The following NPAS1 variants were observed in gnomAD, a reference collection of about 807,000 sequenced individuals.
NPAS1 encodes the protein neuronal PAS domain protein 1.
A neutral mutation model predicts 49.2 loss-of-function variants in NPAS1; 29 were observed. The ratio of observed to expected loss-of-function variants is 0.59; its 90% CI spans 0.44 to 0.80. The LOEUF is 0.80. Among genes scored for constraint, NPAS1 ranks in the 30% least tolerant of loss-of-function variants. NPAS1 has a pLI of 0.00. For synonymous variants in NPAS1, 408 were observed against 380.4 expected (o/e 1.07, Z -0.84); for missense variants, 825 against 835.5 (o/e 0.99, Z 0.15).
intron 3 of NPAS1, among the ~76,000 whole-genome samples, chr19:47,025,617 C>G (rs2122446672): frequency 6.6e-6 from 1 of 152,230 alleles, no homozygotes; most frequent in South Asian, 2.1e-4. Context: ...GCTCTGTCGC[C>G]CAGGCTGGAA....
intron 8 of NPAS1, 70 bp downstream of exon 8, chr19:47,039,634 A>G (rs1599917787): frequency 2.0e-6 from 3 of 1,480,458 alleles, no homozygotes; most frequent in East Asian, 4.7e-5. Context: ...ATGGGGAGTC[A>G]GAGGGAGTGC....
rs1229380143 is a variant in NPAS1 at position 47,040,499 on chromosome 19, C to T, written c.1018C>T (p.Gln340Ter). ...AGAGCTGGTGGGCCGCAGCTGCTAC[C>T]AGTTTGTCCACGGACAGGACGCCAC... The part of the protein sequence containing the change: ...PSELVGRSCY[Q>*]FVHGQDATRI... The change falls in exon 9 of 12, where the codon CAG (glutamine) becomes TAG (stop). Residue 340 changes from glutamine (Q) to a stop codon, truncating the protein, a stop_gained. Coordinates refer to ENST00000602212, the MANE Select transcript of NPAS1 (RefSeq NM_002517.4). LOFTEE classifies it high-confidence loss of function. The T allele has an allele frequency of 6.2e-7, 1 of 1,605,182 alleles. No individual in the cohort carries two copies.
At chr19:47,037,589 G>C (rs1386048068) in intron 6 of NPAS1, among the ~76,000 whole-genome samples, 1 of 152,042 alleles carries the variant, frequency 6.6e-6, no homozygotes, top group Non-Finnish European at 1.5e-5. Context: ...GTATGGGAGG[G>C]AGGGTGCTGC....
At chr19:47,042,728 T>C in intron 10 of NPAS1, 82 bp from the exon 11 acceptor site, 1 of 1,182,644 alleles carries the variant, frequency 8.5e-7, no homozygotes, top group South Asian at 1.6e-5. Flanking sequence ...TGTCCACACA[T>C]TGCCACAAGT....
intron 5 of NPAS1, among the ~76,000 whole-genome samples, chr19:47,033,433 G>A (rs1292925642): frequency 6.6e-6 from 1 of 151,608 alleles, no homozygotes; most frequent in Non-Finnish European, 1.5e-5. Context: ...ATAGAGACAG[G>A]GTTTCTTCAT....
At chr19:47,030,979 G>A (rs2056901659) in intron 3 of NPAS1, among the ~76,000 whole-genome samples, 1 of 151,964 alleles carries the variant, frequency 6.6e-6, no homozygotes. Flanking sequence ...TTGTTGAGTT[G>A]TAGAATCTCT....
rs542199198 is a variant in NPAS1 at position 47,022,928 on chromosome 19, A to T, written c.358+1081A>T. ...TTACAGCTTTGCGGTGATGAGGATA[A>T]GGCAGTGTGAGTGGTGTTTATCTGA... is the stretch of plus-strand genomic sequence containing the variant. On this transcript the variant is annotated intron_variant, in intron 3 of 11. Transcript: ENST00000602212. Among the ~76,000 whole-genome samples the T allele has an allele frequency of 2.0e-4, 31 of 152,302 alleles. No individual in the cohort carries two copies. In the South Asian group the frequency reaches 5.2e-3, roughly 25 times the overall value.
chr19:47,045,391 C>T lies in NPAS1; in HGVS notation c.1513C>T (p.Gln505Ter), dbSNP rs777663874. 3 of 1,612,874 alleles carry T rather than the reference C, an allele frequency of 1.9e-6. No homozygotes were observed. Among genetic ancestry groups the T allele is most frequent in the Non-Finnish European group, 2.5e-6 (3 of 1,179,676 alleles). ...TSVIRAGVLKQDPVRPWGLAP... is the reference protein window; with the variant it reads ...TSVIRAGVLK The stretch of plus-strand genomic sequence containing the variant: ...TGTCATCCGGGCAGGGGTCCTGAAG[C>T]AGGATCCGGTGCGGCCATGGGGCCT... The change falls in exon 12 of 12, where the codon CAG (glutamine) becomes TAG (stop). Residue 505 changes from glutamine to a stop codon, truncating the protein, a stop_gained. Coordinates refer to ENST00000602212, the MANE Select transcript of NPAS1 (RefSeq NM_002517.4). LOFTEE classifies it low-confidence loss of function (END_TRUNC).
At chr19:47,026,966 AGAG>A (rs1568501230) in intron 3 of NPAS1, among the ~76,000 whole-genome samples, 1 of 151,024 alleles carries the variant, frequency 6.6e-6, no homozygotes, top group Non-Finnish European at 1.5e-5. Context: ...AAAAAAAAAA[AGAG>A]AGAGAGAGAA....
intron 10 of NPAS1, 21 bp from the exon 11 acceptor site, chr19:47,042,789 C>T (rs1246766842): frequency 3.1e-6 from 5 of 1,592,556 alleles, no homozygotes; most frequent in Non-Finnish European, 4.3e-6. Context: ...TGGCTCCTAA[C>T]CGCATCCATC....
intron 3 of NPAS1, among the ~76,000 whole-genome samples, chr19:47,025,269 G>C (rs2056864167): frequency 1.5e-5 from 2 of 134,098 alleles, no homozygotes; most frequent in African/African-American, 5.0e-5. Context: ...GAGGGAAGGA[G>C]GGGTGACATC....
At chr19:47,027,324 G>A (rs2056877225) in intron 3 of NPAS1, among the ~76,000 whole-genome samples, 1 of 115,902 alleles carries the variant, frequency 8.6e-6, no homozygotes, top group African/African-American at 2.7e-5. Flanking sequence ...TTCTGCCCCT[G>A]GATCCCCCTC....
At chr19:47,029,492 C>T (rs546990280) in intron 3 of NPAS1, among the ~76,000 whole-genome samples, 1 of 151,868 alleles carries the variant, frequency 6.6e-6, no homozygotes, top group Non-Finnish European at 1.5e-5. Context: ...CTCCACGTCC[C>T]GGGTTCAAGC....
Position 47,040,506 on chromosome 19 carries a change from T to C in NPAS1, c.1025T>C (p.Val342Ala). Residue 342 changes from valine (V) to alanine (A), a missense_variant, in exon 9 of 12, where the codon GTC becomes GCC. Physicochemically the swap from Val to Ala is moderately conservative, Grantham distance 64. Coordinates refer to ENST00000602212, the MANE Select transcript of NPAS1 (RefSeq NM_002517.4). ...ELVGRSCYQF[V>A]HGQDATRIRQ... is the part of the protein sequence containing the mutation. ...GTGGGCCGCAGCTGCTACCAGTTTG[T>C]CCACGGACAGGACGCCACGAGGATC... 6.2e-7 allele frequency: 1 copy of C among 1,604,640 alleles called. No individual in the cohort carries two copies.
intron 10 of NPAS1, among the ~76,000 whole-genome samples, chr19:47,042,036 A>C (rs192645899): frequency 6.8e-6 from 1 of 146,924 alleles, no homozygotes; most frequent in Admixed American, 6.9e-5. Flanking sequence ...GGCCAGGCAC[A>C]GTGGCTCACG....
chr19:47,045,295 A>G lies in NPAS1; in HGVS notation c.1417A>G (p.Lys473Glu). 5 of 1,614,012 alleles carry G rather than the reference A, an allele frequency of 3.1e-6. No homozygotes were observed. The highest frequency in any genetic ancestry group is 4.2e-6 in the Non-Finnish European group (5 of 1,179,994). ...IKVEPGPRET[K>E]GSEDSGDEDP... Reference sequence around the variant, plus strand: ...AGTGGAGCCCGGCCCGAGGGAAACCAAAGGCTCCGAGGACAGTGGCGACGA... The same window carrying G: ...AGTGGAGCCCGGCCCGAGGGAAACCGAAGGCTCCGAGGACAGTGGCGACGA... Residue 473 changes from lysine to glutamate, a missense_variant, in exon 12 of 12, where the codon AAA becomes GAA. Lys to Glu is a moderately conservative substitution (Grantham distance 56, BLOSUM62 1). Transcript: ENST00000602212.
intron 6 of NPAS1, among the ~76,000 whole-genome samples, chr19:47,038,022 C>G (rs983008792): frequency 6.6e-6 from 1 of 152,146 alleles, no homozygotes; most frequent in African/African-American, 2.4e-5. Flanking sequence ...CAGTGGCAAC[C>G]CAGATGGGGC....
chr19:47,033,213 G>A (rs2056920227), intron 5 of NPAS1, among the ~76,000 whole-genome samples: 1 of 151,634 alleles, frequency 6.6e-6, no homozygotes. Flanking sequence ...TAGGATTACA[G>A]TGTGAGCCAC....
chr19:47,040,598 C>G, intron 9 of NPAS1, 48 bp downstream of exon 9: 2 of 1,319,292 alleles, frequency 1.5e-6, no homozygotes, highest in Middle Eastern at 2.3e-4. Context: ...CCCCCAGACC[C>G]GAGCATCCCA....
Sources: gnomAD v4.1 joint callset for allele counts (sites outside exome capture counted in the v4.1 genomes callset) on GRCh38, gnomAD v4.1.1 for gene constraint, MANE v1.5 for transcripts, NCBI Gene and HGNC (gene_info 2026-07-23, HGNC 2026-07-21) for gene names.